The following CFAP161 variants were observed in gnomAD, a reference collection of about 807,000 sequenced individuals.
The protein encoded by CFAP161 is cilia- and flagella-associated protein 161.
In CFAP161, 25 loss-of-function variants were observed where a neutral mutation model predicts 29.0. That is an observed-to-expected ratio of 0.86 (90% CI 0.63 to 1.20). The LOEUF (loss-of-function observed/expected upper bound fraction) is 1.20, where lower values mean the gene tolerates loss of function less well. Among genes scored for constraint, CFAP161 ranks in the 50% most tolerant of loss-of-function variants. The pLI, the probability that CFAP161 is intolerant of heterozygous loss-of-function variation, is 0.00. For missense variants in CFAP161, 367 were observed against 371.9 expected (o/e 0.99, Z 0.11); for synonymous variants, 116 against 137.4 (o/e 0.84, Z 1.09).
At chr15:81,124,683 C>T (rs932026344) in intron 1 of CFAP161, among the ~76,000 whole-genome samples, 17 of 152,042 alleles carry the variant, frequency 1.1e-4, no homozygotes, top group South Asian at 2.1e-4. Flanking sequence ...GCCTCAATTT[C>T]GGAACTCATT....
chr15:81,126,635 A>T (rs1894644888), intron 1 of CFAP161, among the ~76,000 whole-genome samples: 1 of 152,168 alleles, frequency 6.6e-6, no homozygotes, highest in East Asian at 1.9e-4. Flanking sequence ...CAAGATTTTG[A>T]CCTGTTTGAT....
At chr15:81,109,140 G>C (rs1002251180) in intron 1 of CFAP161, among the ~76,000 whole-genome samples, 5 of 152,222 alleles carry the variant, frequency 3.3e-5, no homozygotes, top group African/African-American at 1.2e-4. Context: ...CTCTTATAAT[G>C]AACAGATGTT....
intron 1 of CFAP161, among the ~76,000 whole-genome samples, chr15:81,117,367 G>A (rs1358938797): frequency 2.6e-5 from 4 of 152,118 alleles, no homozygotes; most frequent in South Asian, 2.1e-4. Context: ...AGCTATCCAC[G>A]CTACAGCAAG....
chr15:81,121,354 A>T (rs531841192), intron 1 of CFAP161, among the ~76,000 whole-genome samples: 1 of 152,064 alleles, frequency 6.6e-6, no homozygotes, highest in Non-Finnish European at 1.5e-5. Flanking sequence ...TTACATTTCT[A>T]TCTGCTACTT....
chr15:81,106,700 G>T (rs148590066), intron 1 of CFAP161, among the ~76,000 whole-genome samples: 1 of 152,166 alleles, frequency 6.6e-6, no homozygotes, highest in African/African-American at 2.4e-5. Flanking sequence ...AATTAAACAC[G>T]CTCTTTCAAA....
At chr15:81,100,641 A>G (rs941226836) in intron 1 of CFAP161, among the ~76,000 whole-genome samples, 11 of 152,144 alleles carry the variant, frequency 7.2e-5, no homozygotes, top group African/African-American at 2.6e-4. Flanking sequence ...TCTCTTAAGA[A>G]TTCTCATTCT....
At chr15:81,140,946 G>A (rs1208837263) in intron 4 of CFAP161, among the ~76,000 whole-genome samples, 1 of 152,046 alleles carries the variant, frequency 6.6e-6, no homozygotes, top group Admixed American at 6.5e-5. Flanking sequence ...TTATGATAGG[G>A]CTCATAGCCC....
At chr15:81,115,905 T>G (rs1046502135) in intron 1 of CFAP161, among the ~76,000 whole-genome samples, 1 of 151,276 alleles carries the variant, frequency 6.6e-6, no homozygotes, top group Non-Finnish European at 1.5e-5. Flanking sequence ...CCAGGCTGAT[T>G]GCGAGCTCCT....
At chr15:81,128,335 C>T (rs1393747992) in intron 2 of CFAP161, among the ~76,000 whole-genome samples, 1 of 152,136 alleles carries the variant, frequency 6.6e-6, no homozygotes, top group Non-Finnish European at 1.5e-5. Context: ...CCTCTCAAAC[C>T]CTGCTGCTGC....
chr15:81,115,230 A>G (rs142111945), intron 1 of CFAP161, among the ~76,000 whole-genome samples: 2 of 152,214 alleles, frequency 1.3e-5, no homozygotes, highest in African/African-American at 4.8e-5. Flanking sequence ...TTTTAGCATT[A>G]GTGACTCCAT....
Position 81,138,087 on chromosome 15 carries a change from TG to T in CFAP161, c.432del (p.Gln145ArgfsTer7), listed in dbSNP as rs775065191. The T allele has an allele frequency of 1.9e-6, 3 of 1,613,072 alleles. No homozygotes were observed. The highest frequency in any genetic ancestry group is 2.5e-6 in the Non-Finnish European group (3 of 1,179,138). On this transcript the variant is annotated frameshift_variant, in exon 4 of 7. Coordinates refer to ENST00000286732, the MANE Select transcript of CFAP161 (RefSeq NM_173528.4). LOFTEE classifies it high-confidence loss of function. ...RDATGQVLRYGQDFCLGITGG... is the reference protein window; with the variant it reads ...RDATGQVLRYXQDFCLGITGG... ...ATGCCACTGGTCAAGTCCTTAGATA[TG>T]GGCAGGACTTTTGCCTGGGGATAAC...
At chr15:81,120,948 C>G (rs538244780) in intron 1 of CFAP161, among the ~76,000 whole-genome samples, 2 of 152,276 alleles carry the variant, frequency 1.3e-5, no homozygotes, top group East Asian at 3.9e-4. Context: ...AATTAAAAAT[C>G]AAAACCTCTT....
At chr15:81,134,419 C>T (rs201318310) in intron 1 of CFAP161, 21 bp downstream of exon 1, 2 of 1,567,742 alleles carry the variant, frequency 1.3e-6, no homozygotes, top group South Asian at 1.2e-5. Flanking sequence ...TGTGGCCAGG[C>T]GCAGACCCGC....
At chr15:81,127,123 C>T (rs1424073230) in intron 1 of CFAP161, among the ~76,000 whole-genome samples, 3 of 152,136 alleles carry the variant, frequency 2.0e-5, no homozygotes, top group African/African-American at 7.2e-5. Flanking sequence ...GTTTGTGAAT[C>T]CCATTCTGTT....
At chr15:81,103,604 C>T (rs935764201) in intron 1 of CFAP161, among the ~76,000 whole-genome samples, 1 of 152,180 alleles carries the variant, frequency 6.6e-6, no homozygotes, top group Admixed American at 6.5e-5. Context: ...GCGTCCCGTC[C>T]CCCATAGCTC....
intron 1 of CFAP161, among the ~76,000 whole-genome samples, chr15:81,115,998 A>C (rs1437521334): frequency 6.6e-6 from 1 of 152,136 alleles, no homozygotes; most frequent in Admixed American, 6.6e-5. Context: ...ATAGGGAATA[A>C]GTGAGACCTG....
intron 1 of CFAP161, 124 bp downstream of exon 1, chr15:81,134,522 T>C: frequency 1.1e-6 from 1 of 950,432 alleles, no homozygotes; most frequent in Middle Eastern, 2.3e-4. Flanking sequence ...CGAATACCTC[T>C]AAAATCCCCC....
chr15:81,103,846 C>T (rs1049550523), intron 1 of CFAP161, among the ~76,000 whole-genome samples: 4 of 152,176 alleles, frequency 2.6e-5, no homozygotes, highest in African/African-American at 9.7e-5. Flanking sequence ...GGTTCTGACA[C>T]TATCTCCGGA....
intron 5 of CFAP161, among the ~76,000 whole-genome samples, chr15:81,147,364 T>G (rs570385796): frequency 1.2e-4 from 19 of 152,272 alleles, no homozygotes; most frequent in African/African-American, 4.3e-4. Context: ...GACCACCGAT[T>G]TTTCCTGTTG....
Sources: gnomAD v4.1 joint callset for allele counts (sites outside exome capture counted in the v4.1 genomes callset) on GRCh38, gnomAD v4.1.1 for gene constraint, MANE v1.5 for transcripts, NCBI Gene and HGNC (gene_info 2026-07-23, HGNC 2026-07-21) for gene names.